The following WBP2NL variants were observed in gnomAD, a reference collection of about 807,000 sequenced individuals.
WBP2NL encodes the protein WBP2 N-terminal like, also known as postacrosomal sheath WW domain-binding protein.
In WBP2NL, 27 loss-of-function variants were observed where a neutral mutation model predicts 23.3. That is an observed-to-expected ratio of 1.16 (90% confidence interval 0.85 to 1.60). WBP2NL has a LOEUF of 1.60. Among genes scored for constraint, WBP2NL ranks in the 40% most tolerant of loss-of-function variants. The probability of loss-of-function intolerance (pLI) is 0.00; values close to 1 mark genes in which losing one functional copy is unlikely to be tolerated. For missense variants in WBP2NL, 370 were observed against 389.5 expected (o/e 0.95, Z 0.42); for synonymous variants, 151 against 145.9 (o/e 1.03, Z -0.25).
chr22:42,035,197 C>T (rs941655288), downstream of WBP2NL, among the ~76,000 whole-genome samples: 5 of 152,256 alleles, frequency 3.3e-5, no homozygotes, highest in African/African-American at 1.2e-4. Context: ...TCCATAAAAT[C>T]TTCACAATCC....
intron 8 of WBP2NL, among the ~76,000 whole-genome samples, chr22:42,046,858 C>T (rs1389002919): frequency 3.3e-5 from 5 of 152,166 alleles, no homozygotes; most frequent in Non-Finnish European, 5.9e-5. Flanking sequence ...TACAAACATA[C>T]GTGCTACCCA....
chr22:42,039,051 G>T (rs1925296439), intron 8 of WBP2NL, among the ~76,000 whole-genome samples: 1 of 151,816 alleles, frequency 6.6e-6, no homozygotes, highest in East Asian at 1.9e-4. Flanking sequence ...GGGACTACAG[G>T]TGCACACCAC....
chr22:42,024,497 CCTT>C (rs1293708588), intron 5 of WBP2NL, among the ~76,000 whole-genome samples: 1 of 150,038 alleles, frequency 6.7e-6, no homozygotes, highest in Non-Finnish European at 1.5e-5. Context: ...CACTTATCTT[CCTT>C]TTTTTAAAAA....
In WBP2NL at chr22:42,027,442, G is replaced by A. The variant is rs1187787397; in HGVS notation, c.*261G>A. On this transcript the variant is annotated 3_prime_UTR_variant, in exon 6 of 6. Coordinates refer to ENST00000328823, the MANE Select transcript of WBP2NL (RefSeq NM_152613.3). Reference sequence around the variant, plus strand: ...TTCCCCAGTAATTTGGTTGACATTGGGTTGCATTTTTAAACATAACTTTTT... The same window carrying A: ...TTCCCCAGTAATTTGGTTGACATTGAGTTGCATTTTTAAACATAACTTTTT... 4 of 443,162 alleles carry A rather than the reference G, an allele frequency of 9.0e-6. No homozygotes were observed. Among genetic ancestry groups the A allele is most frequent in the African/African-American group, 5.9e-5 (3 of 50,466 alleles). The allele number at this position is 443,162 out of a possible 1,614,324, so 27.5% of individuals were successfully genotyped here. A position where few individuals can be genotyped will look rare whatever the true frequency, so the allele number is the denominator to read the frequency against.
downstream of WBP2NL, chr22:42,031,492 C>G (rs1364125101): frequency 6.6e-6 from 1 of 152,158 alleles, no homozygotes; most frequent in African/African-American, 2.4e-5. Flanking sequence ...TCTACTCTTT[C>G]ATTTCCTATT....
intron 5 of WBP2NL, among the ~76,000 whole-genome samples, chr22:42,026,279 TAATAATAATAATA>T (rs1924477950): frequency 3.1e-5 from 1 of 32,114 alleles, no homozygotes; most frequent in Admixed American, 3.6e-4. Context: ...CTCAAAATAA[TAATAATAATAATA>T]ATAATAATAA....
chr22:42,020,136 T>TTTTG, intron 4 of WBP2NL, 40 bp downstream of exon 4: 3 of 1,563,632 alleles, frequency 1.9e-6, no homozygotes, highest in Non-Finnish European at 2.6e-6. Context: ...CTTTGGGGTT[T>TTTTG]TTTGTTTGTT....
intron 8 of WBP2NL, among the ~76,000 whole-genome samples, chr22:42,049,851 C>A (rs1340229299): frequency 6.6e-6 from 1 of 151,700 alleles, no homozygotes; most frequent in Non-Finnish European, 1.5e-5. Flanking sequence ...GTGGCACATG[C>A]CTATAATCCC....
At chr22:42,034,224 G>A (rs530068420), downstream of WBP2NL, among the ~76,000 whole-genome samples, 1 of 152,348 alleles carries the variant, frequency 6.6e-6, no homozygotes, top group African/African-American at 2.4e-5. Flanking sequence ...CAAGGGCAAG[G>A]GGGTATCGGG....
chr22:42,040,088 T>C (rs1185849991), intron 8 of WBP2NL, among the ~76,000 whole-genome samples: 3 of 151,430 alleles, frequency 2.0e-5, no homozygotes, highest in Non-Finnish European at 1.5e-5. Context: ...ATTTTTTGTA[T>C]TTTTAGTAGA....
rs545041949 is a variant in WBP2NL, at chr22:42,053,453, T to C, written c.*274-4837T>C. 1.5e-4 allele frequency among the ~76,000 whole-genome samples: 22 copies of C among 148,466 alleles called. No homozygotes were observed. In the South Asian group the frequency reaches 4.6e-3, roughly 31 times the overall value. The stretch of plus-strand genomic sequence containing the variant: ...AACATGGGCATCTTTTTTTTTCCTC[T>C]TTTTCTTTTTCTTTTTCTTTTTTTT... On this transcript the variant is annotated intron_variant and NMD_transcript_variant, in intron 8 of 8. Coordinates refer to the WBP2NL transcript ENST00000436265.
chr22:42,019,970 T>C (rs372205727), intron 3 of WBP2NL, 34 bp from the exon 4 acceptor site: 9 of 1,607,692 alleles, frequency 5.6e-6, no homozygotes, highest in Non-Finnish European at 7.7e-6. Flanking sequence ...GCTATGCCAG[T>C]TTCTTGGTGA....
intron 1 of WBP2NL, among the ~76,000 whole-genome samples, chr22:42,004,246 T>A (rs1174019389): frequency 2.0e-5 from 3 of 152,104 alleles, no homozygotes; most frequent in African/African-American, 4.8e-5. Flanking sequence ...CACTCCAGCC[T>A]GGGCATCACA....
intron 5 of WBP2NL, among the ~76,000 whole-genome samples, chr22:42,024,803 CT>C (rs133345): frequency 0.57 from 70,750 of 124,536 alleles, 17,341 homozygotes; most frequent in East Asian, 0.77. Flanking sequence ...TTGATAATGA[CT>C]TTTTTTTTTT....
chr22:42,042,575 T>C (rs1420582864), intron 8 of WBP2NL, among the ~76,000 whole-genome samples: 1 of 152,218 alleles, frequency 6.6e-6, no homozygotes, highest in Non-Finnish European at 1.5e-5. Context: ...CATTAAATTG[T>C]TTATCTGTGT....
chr22:42,039,484 C>T (rs559187416), intron 8 of WBP2NL, among the ~76,000 whole-genome samples: 5 of 151,934 alleles, frequency 3.3e-5, no homozygotes, highest in African/African-American at 7.2e-5. Context: ...TGAGCCACTA[C>T]GCTCAGCCTG....
intron 8 of WBP2NL, among the ~76,000 whole-genome samples, chr22:42,042,958 A>G (rs1391042544): frequency 6.7e-6 from 1 of 149,072 alleles, no homozygotes; most frequent in African/African-American, 2.5e-5. Context: ...CCAGCTACTC[A>G]GGAGGCTAAG....
intron 8 of WBP2NL, among the ~76,000 whole-genome samples, chr22:42,053,986 G>A (rs1925937816): frequency 6.6e-6 from 1 of 151,972 alleles, no homozygotes; most frequent in African/African-American, 2.4e-5. Flanking sequence ...AATGAGACAA[G>A]GTCTTACTAT....
intron 8 of WBP2NL, among the ~76,000 whole-genome samples, chr22:42,045,611 C>T (rs1449630189): frequency 2.0e-5 from 3 of 152,108 alleles, no homozygotes; most frequent in Admixed American, 6.6e-5. Flanking sequence ...CCCACAAATT[C>T]GATAACCTAG....
Sources: gnomAD v4.1 joint callset for allele counts (sites outside exome capture counted in the v4.1 genomes callset) on GRCh38, gnomAD v4.1.1 for gene constraint, MANE v1.5 for transcripts, NCBI Gene and HGNC (gene_info 2026-07-23, HGNC 2026-07-21) for gene names.